The following RORA variants were observed in gnomAD, a reference collection of about 807,000 sequenced individuals.
RORA encodes the protein nuclear receptor ROR-alpha.
In RORA, 7 loss-of-function variants were observed where a neutral mutation model predicts 69.5. That is an observed-to-expected ratio of 0.10 (90% CI 0.06 to 0.19). The LOEUF (loss-of-function observed/expected upper bound fraction) is 0.19, where lower values mean the gene tolerates loss of function less well. Ranked by LOEUF, RORA falls within the 10% of genes least tolerant of loss-of-function variation. The pLI, the probability that RORA is intolerant of heterozygous loss-of-function variation, is 1.00. For missense variants in RORA, 457 were observed against 663.0 expected (o/e 0.69, Z 3.41); for synonymous variants, 261 against 240.8 (o/e 1.08, Z -0.78).
At chr15:61,174,505 G>C (rs951263908) in intron 1 of RORA, among the ~76,000 whole-genome samples, 7 of 152,252 alleles carry the variant, frequency 4.6e-5, no homozygotes, top group African/African-American at 1.7e-4. Context: ...ACTGGCAAAA[G>C]AGGGGCGGGA....
chr15:60,855,397 A>T (rs7169550), intron 1 of RORA, among the ~76,000 whole-genome samples: 11,201 of 152,156 alleles, frequency 0.074, 466 homozygotes, highest in Non-Finnish European at 0.085. Flanking sequence ...ATAGCTACAC[A>T]GAGCCATGTT....
chr15:61,168,377 C>T (rs2079556693), intron 1 of RORA, among the ~76,000 whole-genome samples: 1 of 151,890 alleles, frequency 6.6e-6, no homozygotes, highest in African/African-American at 2.4e-5. Context: ...TACAGGTATG[C>T]ACCACCATGC....
chr15:61,152,304 G>A (rs1369979707), intron 1 of RORA, among the ~76,000 whole-genome samples: 1 of 152,070 alleles, frequency 6.6e-6, no homozygotes, highest in Non-Finnish European at 1.5e-5. Flanking sequence ...GAAGCTACTA[G>A]AAGGAAGTGG....
chr15:60,540,016 A>G (rs1461674850), intron 2 of RORA, among the ~76,000 whole-genome samples: 1 of 152,216 alleles, frequency 6.6e-6, no homozygotes, highest in African/African-American at 2.4e-5. Context: ...TATCAGCAGG[A>G]AAGAGAACCC....
intron 1 of RORA, among the ~76,000 whole-genome samples, chr15:60,806,609 C>T (rs1015880628): frequency 6.5e-4 from 99 of 152,198 alleles, no homozygotes; most frequent in Non-Finnish European, 1.8e-4. Flanking sequence ...TATCTATACA[C>T]TCTCTTTTGA....
intron 1 of RORA, among the ~76,000 whole-genome samples, chr15:60,702,982 C>T (rs1034894364): frequency 1.6e-4 from 24 of 152,178 alleles, no homozygotes; most frequent in Admixed American, 1.3e-3. Flanking sequence ...TGAGATGTTC[C>T]GAGTTTAGGA....
chr15:61,056,360 T>C (rs1464198669), intron 1 of RORA, among the ~76,000 whole-genome samples: 1 of 152,306 alleles, frequency 6.6e-6, no homozygotes, highest in East Asian at 1.9e-4. Context: ...TGCTCTTAAA[T>C]GGAAAAACTA....
intron 1 of RORA, among the ~76,000 whole-genome samples, chr15:61,071,549 G>A (rs1456315823): frequency 3.5e-5 from 1 of 28,322 alleles, no homozygotes. Context: ...GGATGGAAGG[G>A]GAGGGGAAAG....
intron 1 of RORA, among the ~76,000 whole-genome samples, chr15:61,138,023 T>C (rs1010790293): frequency 3.3e-5 from 5 of 152,342 alleles, no homozygotes; most frequent in African/African-American, 1.2e-4. Flanking sequence ...CAGAGACTTT[T>C]CCATGCTTTC....
intron 1 of RORA, among the ~76,000 whole-genome samples, chr15:60,864,344 C>T (rs183043262): frequency 1.9e-3 from 289 of 152,242 alleles, no homozygotes; most frequent in South Asian, 3.5e-3. Context: ...CTTTTTAAAA[C>T]CCATTTATTG....
rs1351768986 is a variant in RORA, at chr15:60,499,956, T to C, written c.1343A>G (p.Lys448Arg). The change falls in exon 10 of 11, where the codon AAA becomes AGA. Residue 448 changes from lysine (K) to arginine (R), a missense_variant. Lys to Arg is a conservative substitution (Grantham distance 26). Coordinates refer to ENST00000335670, the MANE Select transcript of RORA (RefSeq NM_134261.3). ...GACGTGTTGAAGAGCTAGCTGAATT[T>C]TCTGTTGCAGTTTTTCAATTTTTAC... is the stretch of plus-strand genomic sequence containing the variant. Reference protein sequence around the residue: ...EKVKIEKLQQKIQLALQHVLQ... With the variant: ...EKVKIEKLQQRIQLALQHVLQ... 12 of 1,613,430 alleles carry C rather than the reference T, an allele frequency of 7.4e-6. No homozygotes were observed. Among genetic ancestry groups the C allele is most frequent in the Non-Finnish European group, 1.0e-5 (12 of 1,179,746 alleles).
intron 1 of RORA, among the ~76,000 whole-genome samples, chr15:60,687,610 T>C (rs1392894413): frequency 6.6e-6 from 1 of 152,132 alleles, no homozygotes; most frequent in East Asian, 1.9e-4. Context: ...AAACATTAGC[T>C]AGCCATGGTG....
chr15:60,513,363 GA>G (rs1326969971), intron 4 of RORA, among the ~76,000 whole-genome samples: 1 of 151,852 alleles, frequency 6.6e-6, no homozygotes, highest in Non-Finnish European at 1.5e-5. Flanking sequence ...TAATTTTTTT[GA>G]AAAAAATTTT....
At chr15:60,687,389 A>T (rs1268172329) in intron 1 of RORA, among the ~76,000 whole-genome samples, 1 of 152,220 alleles carries the variant, frequency 6.6e-6, no homozygotes, top group Non-Finnish European at 1.5e-5. Context: ...ATCATAGATC[A>T]TTACTATTTG....
chr15:60,913,117 A>G (rs1171598183), intron 1 of RORA, among the ~76,000 whole-genome samples: 1 of 152,172 alleles, frequency 6.6e-6, no homozygotes, highest in African/African-American at 2.4e-5. Flanking sequence ...TCCACAAAAC[A>G]CTGGGTAAGG....
chr15:60,903,088 G>A (rs1595804956), intron 1 of RORA, among the ~76,000 whole-genome samples: 1 of 152,316 alleles, frequency 6.6e-6, no homozygotes, highest in African/African-American at 2.4e-5. Context: ...CTTTCTGGCT[G>A]AGTCTATTAG....
intron 2 of RORA, chr15:60,592,943 G>A (rs2068580958): frequency 2.2e-6 from 1 of 455,516 alleles, no homozygotes. Context: ...GCACTCGGGG[G>A]CGATAAATGC....
chr15:61,184,557 A>G (rs961341210), intron 1 of RORA, among the ~76,000 whole-genome samples: 3 of 152,174 alleles, frequency 2.0e-5, no homozygotes, highest in African/African-American at 7.2e-5. Context: ...ATACACAACC[A>G]TCTCCTCAAC....
rs2071716372 is a variant in RORA at position 60,751,050 on chromosome 15, G to A, written c.167-72364C>T. 1.3e-5 allele frequency among the ~76,000 whole-genome samples: 2 copies of A among 152,210 alleles called. 1 individual carries two copies. The highest frequency in any genetic ancestry group is 4.1e-4 in the South Asian group (2 of 4,838). On this transcript the variant is annotated intron_variant, in intron 1 of 10. Transcript: ENST00000335670. ...AGGAGAGCAGGGAAGAAAGGCAGGT[G>A]GGGAGCAGAATCCAAGACAGTGCAG...
Sources: gnomAD v4.1 joint callset for allele counts (sites outside exome capture counted in the v4.1 genomes callset) on GRCh38, gnomAD v4.1.1 for gene constraint, MANE v1.5 for transcripts, NCBI Gene and HGNC (gene_info 2026-07-23, HGNC 2026-07-21) for gene names.